CHD9: variants seen among roughly 807,000 people sequenced by gnomAD.
CHD9 encodes ATP-dependent chromatin remodeler CHD9.
Under a neutral mutation model 316.1 loss-of-function variants are expected in CHD9, and 77 were observed. The ratio of observed to expected loss-of-function variants is 0.24; its 90% CI spans 0.20 to 0.29. CHD9 has a LOEUF of 0.29. Ranked by LOEUF, CHD9 falls within the 10% of genes least tolerant of loss-of-function variation. CHD9 has a pLI of 1.00. For missense variants in CHD9, 2,763 were observed against 3,438.1 expected (o/e 0.80, Z 4.91); for synonymous variants, 1,129 against 1,158.3 (o/e 0.97, Z 0.51).
intron 24 of CHD9, among the ~76,000 whole-genome samples, chr16:53,278,666 G>GA (rs1294198257): frequency 1.3e-5 from 2 of 152,034 alleles, no homozygotes; most frequent in Non-Finnish European, 2.9e-5. Flanking sequence ...AAATTTACAA[G>GA]AAAAAAGCAA....
At chr16:53,208,693 CAG>C (rs1310831757) in intron 2 of CHD9, 2 of 989,116 alleles carry the variant, frequency 2.0e-6, no homozygotes, top group African/African-American at 3.5e-5. Context: ...TTGGTATAGT[CAG>C]AGGCATGTTT....
intron 1 of CHD9, among the ~76,000 whole-genome samples, chr16:53,114,833 C>T (rs1010921358): frequency 1.1e-4 from 15 of 140,772 alleles, no homozygotes; most frequent in South Asian, 6.8e-4. Context: ...GTGATCCGCC[C>T]GCCTCGGCCT....
At chr16:53,204,569 TG>T (rs781551917) in intron 2 of CHD9, among the ~76,000 whole-genome samples, 33 of 152,172 alleles carry the variant, frequency 2.2e-4, no homozygotes, top group Admixed American at 1.0e-3. Flanking sequence ...GTTTTGTTGT[TG>T]TTTTTTTAGT....
intron 1 of CHD9, among the ~76,000 whole-genome samples, chr16:53,066,274 G>C (rs1034495045): frequency 6.6e-6 from 1 of 152,106 alleles, no homozygotes; most frequent in Non-Finnish European, 1.5e-5. Flanking sequence ...GGGGCCTGGG[G>C]TACAAAGGAA....
intron 1 of CHD9, among the ~76,000 whole-genome samples, chr16:53,134,267 G>T (rs2039555229): frequency 6.6e-6 from 1 of 152,212 alleles, no homozygotes; most frequent in Non-Finnish European, 1.5e-5. Flanking sequence ...AGTCAGAAGA[G>T]ATTTATGGAT....
At chr16:53,230,799 T>TTTA (rs2048104276) in intron 8 of CHD9, among the ~76,000 whole-genome samples, 1 of 151,992 alleles carries the variant, frequency 6.6e-6, no homozygotes, top group Non-Finnish European at 1.5e-5. Flanking sequence ...AATCTCAGAG[T>TTTA]TAAAATAGAG....
At chr16:53,155,895 C>T in intron 1 of CHD9, 31 bp from the exon 2 acceptor site, 1 of 570,944 alleles carries the variant, frequency 1.8e-6, no homozygotes, top group South Asian at 2.5e-5. Flanking sequence ...TACTTAATTT[C>T]TCTTTATTGT....
chr16:53,156,402 A>G lies in CHD9; in HGVS notation c.313A>G (p.Ile105Val), dbSNP rs200642666. The G allele has an allele frequency of 9.9e-4, 1,593 of 1,613,990 alleles. 18 individuals carry two copies. The South Asian group carries it at 0.011, about 12-fold the overall frequency. Reference protein sequence around the residue: ...SPHSQFNCSPIHPQNQPNGLF... With the variant: ...SPHSQFNCSPVHPQNQPNGLF... ...ACACTCTCAGTTTAATTGTTCTCCA[A>G]TCCATCCCCAAAACCAACCCAATGG... The change falls in exon 2 of 39, where the codon ATC becomes GTC. Residue 105 changes from isoleucine (I) to valine (V), a missense_variant. This residue lies in a region of CHD9 where 859 missense variants were observed against 890.4 expected (regional missense o/e 0.96). Coordinates refer to ENST00000447540, the MANE Select transcript of CHD9 (RefSeq NM_001308319.2).
intron 3 of CHD9, among the ~76,000 whole-genome samples, chr16:53,217,119 A>G (rs971428544): frequency 2.6e-5 from 4 of 152,066 alleles, no homozygotes; most frequent in African/African-American, 9.7e-5. Flanking sequence ...ATATCTCCTT[A>G]GTCTCCTTCA....
chr16:53,322,920 A>T (rs1005333942), intron 38 of CHD9, among the ~76,000 whole-genome samples: 1 of 152,206 alleles, frequency 6.6e-6, no homozygotes, highest in Non-Finnish European at 1.5e-5. Context: ...TGATTTTTTT[A>T]ATATTTTTTG....
chr16:53,187,054 G>A (rs2044078422), intron 2 of CHD9, among the ~76,000 whole-genome samples: 1 of 152,164 alleles, frequency 6.6e-6, no homozygotes, highest in East Asian at 1.9e-4. Context: ...AACGAGTTTT[G>A]AAATGGAACA....
In CHD9 at chr16:53,156,413, A is replaced by G. The variant is rs1181618247; in HGVS notation, c.324A>G (p.Gln108=). Residue 108 remains glutamine, a synonymous_variant, in exon 2 of 39, where the codon CAA becomes CAG. Transcript: ENST00000447540. Reference sequence around the variant, plus strand: ...TTAATTGTTCTCCAATCCATCCCCAAAACCAACCCAATGGTTTGTTTCCAG... The same window carrying G: ...TTAATTGTTCTCCAATCCATCCCCAGAACCAACCCAATGGTTTGTTTCCAG... ...SQFNCSPIHP[Q]NQPNGLFPDV... is the part of the protein sequence containing the mutation. The G allele has an allele frequency of 4.3e-6, 7 of 1,614,010 alleles. No individual in the cohort carries two copies. The highest frequency in any genetic ancestry group is 1.1e-5 in the South Asian group (1 of 91,080).
intron 1 of CHD9, among the ~76,000 whole-genome samples, chr16:53,059,232 G>T (rs2032554467): frequency 6.6e-6 from 1 of 152,204 alleles, no homozygotes; most frequent in South Asian, 2.1e-4. Context: ...TGGTGAAAGT[G>T]ATCAAGCGTC....
intron 17 of CHD9, chr16:53,250,280 ACTTATATGTCTTACTAG>A (rs1170509331): frequency 5.9e-6 from 3 of 512,164 alleles, no homozygotes; most frequent in African/African-American, 2.0e-5. Context: ...TGTCTCACTA[ACTTATATGTCTTACTAG>A]CTTATAAAAA....
intron 1 of CHD9, among the ~76,000 whole-genome samples, chr16:53,083,464 G>T (rs1015348105): frequency 2.0e-5 from 3 of 152,134 alleles, no homozygotes; most frequent in African/African-American, 7.2e-5. Context: ...TTTGCTTAAG[G>T]TTTTTTCCCC....
intron 1 of CHD9, among the ~76,000 whole-genome samples, chr16:53,062,077 G>C (rs769662555): frequency 6.6e-6 from 1 of 152,156 alleles, no homozygotes; most frequent in Non-Finnish European, 1.5e-5. Flanking sequence ...CTCCACCCAC[G>C]CTGGCCTTTC....
At chr16:53,199,152 A>G (rs2045220529) in intron 2 of CHD9, among the ~76,000 whole-genome samples, 1 of 152,054 alleles carries the variant, frequency 6.6e-6, no homozygotes, top group Non-Finnish European at 1.5e-5. Context: ...AGTTTCAATA[A>G]TTTGCCAGCA....
chr16:53,227,612 T>A lies in CHD9; in HGVS notation c.2168+9T>A, dbSNP rs1279703213. ...GTAAAATACAAGAATTAGTAAGTATTTGAGTTAGAAAAATAAAAGAAAGAT... is the reference window on the plus strand; with the variant it reads ...GTAAAATACAAGAATTAGTAAGTATATGAGTTAGAAAAATAAAAGAAAGAT... On this transcript the variant is annotated intron_variant, in intron 7 of 38. Coordinates refer to ENST00000447540, the MANE Select transcript of CHD9 (RefSeq NM_001308319.2). 1.0e-6 allele frequency: 1 copy of A among 954,754 alleles called. No homozygotes were observed. The highest frequency in any genetic ancestry group is 1.5e-6 in the Non-Finnish European group (1 of 680,648). The allele number at this position is 954,754 out of a possible 1,614,324, so 59.1% of individuals were successfully genotyped here.
chr16:53,085,362 G>C (rs1271779280), intron 1 of CHD9, among the ~76,000 whole-genome samples: 3 of 151,852 alleles, frequency 2.0e-5, no homozygotes, highest in African/African-American at 7.3e-5. Flanking sequence ...GCCTGCCTTT[G>C]ATCATCTTAC....
Sources: allele counts gnomAD v4.1 joint callset (sites outside exome capture counted in the v4.1 genomes callset), GRCh38; gene constraint gnomAD v4.1.1; regional missense constraint gnomAD v4.1.1; transcripts MANE v1.5; gene names NCBI Gene and HGNC (gene_info 2026-07-23, HGNC 2026-07-21).